BAZ2B: variants seen among roughly 807,000 people sequenced by gnomAD.
The protein encoded by BAZ2B is bromodomain adjacent to zinc finger domain protein 2B.
A neutral mutation model predicts 246.0 loss-of-function variants in BAZ2B; 91 were observed. The ratio of observed to expected loss-of-function variants is 0.37; its 90% CI spans 0.31 to 0.44. The LOEUF (loss-of-function observed/expected upper bound fraction) is 0.44, where lower values mean the gene tolerates loss of function less well. Ranked by LOEUF, BAZ2B falls within the 20% of genes least tolerant of loss-of-function variation. BAZ2B has a pLI of 1.00. For synonymous variants in BAZ2B, 855 were observed against 860.0 expected (o/e 0.99, Z 0.10); for missense variants, 2,332 against 2,533.7 (o/e 0.92, Z 1.71).
the BAZ2B span, among the ~76,000 whole-genome samples, chr2:159,647,115 C>T: frequency 6.6e-6 from 1 of 152,138 alleles, no homozygotes; most frequent in African/African-American, 2.4e-5. Context: ...GAGAACCCCA[C>T]ACCTTGGATC....
the BAZ2B span, among the ~76,000 whole-genome samples, chr2:159,700,215 C>T: frequency 6.6e-6 from 1 of 152,042 alleles, no homozygotes; most frequent in Admixed American, 6.6e-5. Context: ...TACAGTTGTC[C>T]CTTATTATAG....
chr2:159,695,655 T>C, the BAZ2B span, among the ~76,000 whole-genome samples: 3 of 152,228 alleles, frequency 2.0e-5, no homozygotes, highest in Admixed American at 2.0e-4. Flanking sequence ...CCCATTGAAT[T>C]ACCTTGGCAT....
chr2:159,566,875 T>C (rs1024005594), intron 1 of BAZ2B, among the ~76,000 whole-genome samples: 1 of 152,102 alleles, frequency 6.6e-6, no homozygotes, highest in Non-Finnish European at 1.5e-5. Context: ...AGGTACATAA[T>C]ATACAGGTTA....
chr2:159,624,467 C>T, the BAZ2B span, among the ~76,000 whole-genome samples: 1 of 152,168 alleles, frequency 6.6e-6, no homozygotes, highest in African/African-American at 2.4e-5. Flanking sequence ...TGGCAGGTGC[C>T]CCTCTGGGAC....
chr2:159,529,001 A>C (rs1234237053), intron 2 of BAZ2B, among the ~76,000 whole-genome samples: 1 of 151,064 alleles, frequency 6.6e-6, no homozygotes, highest in Non-Finnish European at 1.5e-5. Flanking sequence ...ATTAGGAGAT[A>C]TACCTAATGT....
At chr2:159,684,090 G>A in the BAZ2B span, among the ~76,000 whole-genome samples, 2 of 152,162 alleles carry the variant, frequency 1.3e-5, no homozygotes, top group Non-Finnish European at 1.5e-5. Context: ...TTTTGAGTCT[G>A]GCTTCTGTCA....
chr2:159,532,291 A>G (rs920456297), intron 2 of BAZ2B, among the ~76,000 whole-genome samples: 2 of 152,184 alleles, frequency 1.3e-5, no homozygotes, highest in African/African-American at 4.8e-5. Flanking sequence ...AAGAACTATT[A>G]AAAACACTTC....
At chr2:159,388,385 T>A (rs2062890802) in intron 21 of BAZ2B, among the ~76,000 whole-genome samples, 4 of 152,174 alleles carry the variant, frequency 2.6e-5, no homozygotes, top group Admixed American at 2.6e-4. Flanking sequence ...TTTATACTTT[T>A]ATGTATTTCA....
chr2:159,398,795 A>T (rs750723499), intron 18 of BAZ2B, 34 bp downstream of exon 18: 33 of 1,581,126 alleles, frequency 2.1e-5, no homozygotes, highest in Non-Finnish European at 2.7e-5. Flanking sequence ...TTTATTTTTC[A>T]AAAATAAAAA....
At chr2:159,429,070 T>C (rs1399613374) in intron 11 of BAZ2B, 130 bp downstream of exon 11, 3 of 567,752 alleles carry the variant, frequency 5.3e-6, no homozygotes, top group Non-Finnish European at 5.6e-6. Flanking sequence ...GCTCCGGCTC[T>C]TCTGCTCTAA....
intron 31 of BAZ2B, among the ~76,000 whole-genome samples, chr2:159,344,296 G>A (rs544578452): frequency 6.6e-6 from 1 of 152,060 alleles, no homozygotes; most frequent in East Asian, 1.9e-4. Context: ...CCAGCACTTT[G>A]GGAGGCTGAG....
At chr2:159,503,832 C>T (rs939587177) in intron 2 of BAZ2B, among the ~76,000 whole-genome samples, 11 of 152,254 alleles carry the variant, frequency 7.2e-5, no homozygotes, top group Admixed American at 1.3e-4. Context: ...CCACCTGCCT[C>T]GGCCTCCCAA....
chr2:159,580,445 G>A (rs1213513289), intron 1 of BAZ2B, among the ~76,000 whole-genome samples: 2 of 152,164 alleles, frequency 1.3e-5, no homozygotes, highest in Non-Finnish European at 2.9e-5. Flanking sequence ...AACATTCCAT[G>A]CTCATGGATA....
chr2:159,593,098 A>G (rs929622035), intron 1 of BAZ2B, among the ~76,000 whole-genome samples: 1 of 152,200 alleles, frequency 6.6e-6, no homozygotes, highest in African/African-American at 2.4e-5. Flanking sequence ...TAAGCCCCCA[A>G]CTCCATATGA....
chr2:159,365,210 A>C (rs1043355988), intron 27 of BAZ2B, among the ~76,000 whole-genome samples: 2 of 152,108 alleles, frequency 1.3e-5, no homozygotes, highest in African/African-American at 4.8e-5. Context: ...CATGGTACTA[A>C]GTGGCTGTTC....
At chr2:159,444,572 G>C (rs1490447698) in intron 6 of BAZ2B, 1 of 152,162 alleles carries the variant, frequency 6.6e-6, no homozygotes, top group African/African-American at 2.4e-5. Flanking sequence ...AAAATATATG[G>C]AGCTTGATGC....
intron 21 of BAZ2B, among the ~76,000 whole-genome samples, chr2:159,387,546 T>G (rs1326895645): frequency 6.6e-6 from 1 of 152,182 alleles, no homozygotes; most frequent in East Asian, 1.9e-4. Context: ...TTTCTGTTAA[T>G]ACTGTGTGGA....
intron 2 of BAZ2B, among the ~76,000 whole-genome samples, chr2:159,549,640 G>A (rs2087864150): frequency 6.6e-6 from 1 of 152,062 alleles, no homozygotes; most frequent in South Asian, 2.1e-4. Flanking sequence ...ATAATGTTTT[G>A]ATAAAGTTTC....
intron 2 of BAZ2B, among the ~76,000 whole-genome samples, chr2:159,478,989 TATTGC>T (rs1334656956): frequency 2.0e-5 from 3 of 152,150 alleles, no homozygotes; most frequent in Admixed American, 6.6e-5. Context: ...ACAAAATGTG[TATTGC>T]CACAACCATA....
Sources: allele counts gnomAD v4.1 joint callset (sites outside exome capture counted in the v4.1 genomes callset), GRCh38; gene constraint gnomAD v4.1.1; transcripts MANE v1.5; gene names NCBI Gene and HGNC (gene_info 2026-07-23, HGNC 2026-07-21).